RADIL: variants seen among roughly 807,000 people sequenced by gnomAD.
RADIL encodes ras-associating and dilute domain-containing protein.
Under a neutral mutation model 97.6 loss-of-function variants are expected in RADIL, and 99 were observed. The ratio of observed to expected loss-of-function variants is 1.01; its 90% CI spans 0.86 to 1.20. The LOEUF (loss-of-function observed/expected upper bound fraction) is 1.20, where lower values mean the gene tolerates loss of function less well. Among genes scored for constraint, RADIL ranks in the 50% most tolerant of loss-of-function variants. The pLI, the probability that RADIL is intolerant of heterozygous loss-of-function variation, is 0.00. For missense variants in RADIL, 1,765 were observed against 1,498.9 expected, an observed-to-expected ratio of 1.18 and a Z score of -2.93; for synonymous variants, 803 against 691.8, an observed-to-expected ratio of 1.16 and a Z score of -2.52.
chr7:4,851,197 CAAA>C (rs138842231), intron 2 of RADIL, among the ~76,000 whole-genome samples: 1 of 135,568 alleles, frequency 7.4e-6, no homozygotes. Flanking sequence ...AACTCCGTCT[CAAA>C]AAAAAAAAAG....
intron 10 of RADIL, 135 bp from the exon 11 acceptor site, chr7:4,803,889 G>T: frequency 1.2e-6 from 1 of 825,236 alleles, no homozygotes; most frequent in Non-Finnish European, 2.0e-6. Context: ...GACACAGGAG[G>T]CTGGGATCCT....
At chr7:4,808,464 C>A (rs1782417392) in intron 9 of RADIL, 1 of 487,650 alleles carries the variant, frequency 2.1e-6, no homozygotes, top group Non-Finnish European at 2.7e-6. Flanking sequence ...AAACTAGGGC[C>A]AGCGAGGCCT....
At chr7:4,825,883 G>GA (rs540147941) in intron 5 of RADIL, among the ~76,000 whole-genome samples, 1,784 of 50,776 alleles carry the variant, frequency 0.035, 33 homozygotes, top group East Asian at 0.083. Flanking sequence ...CTCCGTCTCA[G>GA]AAAAAAAAAA....
intron 5 of RADIL, among the ~76,000 whole-genome samples, chr7:4,827,014 C>A (rs1192114201): frequency 6.6e-6 from 1 of 152,090 alleles, no homozygotes; most frequent in African/African-American, 2.4e-5. Context: ...GAGTAGTAAA[C>A]CAGTGAAAGG....
rs569026119 is a variant in RADIL at position 4,821,764 on chromosome 7, G to A, written c.1615+630C>T. Among the ~76,000 whole-genome samples the A allele has an allele frequency of 2.0e-5, 3 of 152,228 alleles. No individual in the cohort carries two copies. Among genetic ancestry groups the A allele is most frequent in the East Asian group, 1.9e-4 (1 of 5,154 alleles). ...CCAGGTACTCGGGAGGCTGAGGCAC[G>A]AGAATCGCTTGAACCTGGGAGACGG... On this transcript the variant is annotated intron_variant, in intron 6 of 14. Coordinates refer to ENST00000399583, the MANE Select transcript of RADIL (RefSeq NM_018059.5). This position sits in a 1 kb window ranked among gnomAD's most constrained non-coding sequence, Gnocchi z 5.2.
At chr7:4,809,274 C>T (rs55728141) in intron 9 of RADIL, 5 of 985,208 alleles carry the variant, frequency 5.1e-6, no homozygotes, top group South Asian at 9.4e-5. Context: ...GAGGCCGGGG[C>T]CCCCCTTCCA....
At chr7:4,800,064 A>AGGCCACGT in intron 13 of RADIL, 107 bp downstream of exon 13, 3 of 1,442,110 alleles carry the variant, frequency 2.1e-6, no homozygotes, top group Non-Finnish European at 2.7e-6. Flanking sequence ...TCCTCCCCGA[A>AGGCCACGT]GGCCTTCCTG....
At position 4,847,739 on chromosome 7, in the gene RADIL, C is replaced by CAAAAAAAAAAAAAAAAAAAAAA. The variant is rs56177809; in HGVS notation, c.536-11156_536-11135dup. ...TATGCTACGTGAAAAAAGCTAGATG[C>CAAAAAAAAAAAAAAAAAAAAAA]AAAAAAAAAAAAAAAAAAAAAAAAA... is the stretch of plus-strand genomic sequence containing the variant. On this transcript the variant is annotated intron_variant, in intron 2 of 14. Transcript: ENST00000399583. Among the ~76,000 whole-genome samples the CAAAAAAAAAAAAAAAAAAAAAA allele has an allele frequency of 5.9e-4, 14 of 23,806 alleles. 4 individuals carry two copies. Among genetic ancestry groups the CAAAAAAAAAAAAAAAAAAAAAA allele is most frequent in the African/African-American group, 1.1e-3 (7 of 6,398 alleles). The allele number at this position is 23,806 out of a possible 152,430, so 15.6% of individuals were successfully genotyped here.
Position 4,798,078 on chromosome 7 carries a change from ATAAT to A in RADIL, c.*1296_*1299del, listed in dbSNP as rs1351363199. On this transcript the variant is annotated 3_prime_UTR_variant, in exon 15 of 15. Transcript: ENST00000399583. ...ACATGAATATGTAATATATTCATAT[ATAAT>A]TATATATTTATATATATTCATATAT... 7.3e-6 allele frequency: 1 copy of A among 136,102 alleles called. No homozygotes were observed. Among genetic ancestry groups the A allele is most frequent in the East Asian group, 1.9e-4 (1 of 5,162 alleles). The allele number at this position is 136,102 out of a possible 1,614,324, so 8.4% of individuals were successfully genotyped here. A position where few individuals can be genotyped will look rare whatever the true frequency, so the allele number is the denominator to read the frequency against.
intron 2 of RADIL, among the ~76,000 whole-genome samples, chr7:4,875,844 G>C (rs1784365184): frequency 6.6e-6 from 1 of 152,142 alleles, no homozygotes; most frequent in African/African-American, 2.4e-5. Context: ...CCTTCCAAGG[G>C]ACCACTGGAT....
intron 9 of RADIL, among the ~76,000 whole-genome samples, chr7:4,812,514 C>G (rs934341843): frequency 6.6e-6 from 1 of 151,892 alleles, no homozygotes; most frequent in African/African-American, 2.4e-5. Flanking sequence ...CTCTGCCCCC[C>G]AGGTTCAAGG....
chr7:4,848,009 G>T (rs1783617867), intron 2 of RADIL, among the ~76,000 whole-genome samples: 1 of 152,018 alleles, frequency 6.6e-6, no homozygotes, highest in Non-Finnish European at 1.5e-5. Flanking sequence ...CAGCCTGGGT[G>T]ACATGGTGAA....
intron 6 of RADIL, among the ~76,000 whole-genome samples, chr7:4,820,515 A>G (rs1475372439): frequency 6.6e-6 from 1 of 152,168 alleles, no homozygotes; most frequent in Admixed American, 6.5e-5. Flanking sequence ...GATGCCCACC[A>G]AGGCCAGGAG....
Position 4,803,729 on chromosome 7 carries a change from G to C in RADIL, c.2316C>G (p.Asn772Lys). The C allele has an allele frequency of 6.4e-7, 1 of 1,566,208 alleles. No homozygotes were observed. The highest frequency in any genetic ancestry group is 8.6e-7 in the Non-Finnish European group (1 of 1,156,182). Residue 772 changes from asparagine to lysine, a missense_variant, in exon 11 of 15, where the codon AAC becomes AAG. By Grantham distance (94) the Asn-to-Lys change is moderately conservative. Transcript: ENST00000399583. ...CGCTGGGCAGGACGATGGGTGGGGG[G>C]TTTTCGTAGGACTCCAGAACATCCT... ...RSEDVLESYE[N>K]PPPIVLPSDG...
intron 2 of RADIL, chr7:4,860,296 G>C: frequency 6.2e-7 from 1 of 1,613,848 alleles, no homozygotes; most frequent in South Asian, 1.1e-5. Context: ...GTGCTTTCTT[G>C]TCCTGAAGCA....
At position 4,875,060 on chromosome 7, in the gene RADIL, C is replaced by T. The variant is rs377139874; in HGVS notation, c.535+2545G>A. Among the ~76,000 whole-genome samples the T allele has an allele frequency of 4.2e-3, 580 of 136,588 alleles. 49 individuals are homozygous for T. Among genetic ancestry groups the T allele is most frequent in the African/African-American group, 0.019 (530 of 27,428 alleles). The allele number at this position is 136,588 out of a possible 152,430, so 89.6% of individuals were successfully genotyped here. A position where few individuals can be genotyped will look rare whatever the true frequency, so the allele number is the denominator to read the frequency against. Reference sequence around the variant, plus strand: ...ACAAAAAATTAGCCGGGCGTGGTGGCGGGCGCCTGTAGTCCCAGCTACTCG... The same window carrying T: ...ACAAAAAATTAGCCGGGCGTGGTGGTGGGCGCCTGTAGTCCCAGCTACTCG... On this transcript the variant is annotated intron_variant, in intron 2 of 14. Coordinates refer to ENST00000399583, the MANE Select transcript of RADIL (RefSeq NM_018059.5).
rs1784466792 is a variant in RADIL, at chr7:4,880,760, G to A, written c.-64-2557C>T. Among the ~76,000 whole-genome samples, 2 of 152,180 alleles carry A rather than the reference G, an allele frequency of 1.3e-5. No homozygotes were observed. The highest frequency in any genetic ancestry group is 6.5e-5 in the Admixed American group (1 of 15,276). ...CTGCCTCCGGAGATGAAGTCTGAAT[G>A]CTGATATAAATACGATACCAAAAAC... On this transcript the variant is annotated intron_variant, in intron 1 of 14. Transcript: ENST00000399583. The surrounding 1 kb of genome is among the most constrained non-coding windows in gnomAD (Gnocchi z 4.5).
chr7:4,863,113 G>C (rs546415660), intron 2 of RADIL, among the ~76,000 whole-genome samples: 1 of 151,982 alleles, frequency 6.6e-6, no homozygotes, highest in Non-Finnish European at 1.5e-5. Context: ...CTCTTAAGCC[G>C]TGTGTCTTTC....
chr7:4,868,061 G>GA (rs1222463988), intron 2 of RADIL, among the ~76,000 whole-genome samples: 2 of 152,080 alleles, frequency 1.3e-5, no homozygotes, highest in Non-Finnish European at 2.9e-5. Context: ...ATGGGGAAAT[G>GA]AACTGTGTTT....
Sources: allele counts gnomAD v4.1 joint callset (sites outside exome capture counted in the v4.1 genomes callset), GRCh38; gene constraint gnomAD v4.1.1; non-coding constraint Gnocchi (gnomAD v3.1); transcripts MANE v1.5; gene names NCBI Gene and HGNC (gene_info 2026-07-23, HGNC 2026-07-21).